The following ARHGEF26 variants were observed in gnomAD, a reference collection of about 807,000 sequenced individuals.
The protein encoded by ARHGEF26 is Rho guanine nucleotide exchange factor (GEF) 26.
A neutral mutation model predicts 89.4 loss-of-function variants in ARHGEF26; 59 were observed. The observed-to-expected ratio is 0.66, with a 90% CI of 0.54 to 0.82. The LOEUF is 0.82. ARHGEF26 is among the 40% of genes least tolerant of loss of function. The pLI, the probability that ARHGEF26 is intolerant of heterozygous loss-of-function variation, is 0.00. For missense variants in ARHGEF26, 1,234 were observed against 1,085.6 expected, an observed-to-expected ratio of 1.14 and a Z score of -1.92; for synonymous variants, 500 against 428.4, an observed-to-expected ratio of 1.17 and a Z score of -2.06.
chr3:154,151,604 C>T lies in ARHGEF26; in HGVS notation c.1327-1168C>T, dbSNP rs369908372. 2.6e-5 allele frequency among the ~76,000 whole-genome samples: 4 copies of T among 152,288 alleles called. No individual in the cohort carries two copies. The East Asian group carries it at 5.8e-4, about 22-fold the overall frequency. On this transcript the variant is annotated intron_variant, in intron 5 of 14. Coordinates refer to ENST00000465093, the MANE Select transcript of ARHGEF26 (RefSeq NM_015595.4). ...ACTCTTAACATTCTTACTCTTTACT[C>T]TTCAGATAGTTACATCACTTAATTT...
chr3:154,136,270 G>GTAAAGTATTTTAATTTTAATTAAAA (rs1560045277), intron 4 of ARHGEF26, among the ~76,000 whole-genome samples: 23 of 133,742 alleles, frequency 1.7e-4, no homozygotes, highest in South Asian at 9.2e-4. Flanking sequence ...TTTAATTAAA[G>GTAAAGTATTTTAATTTTAATTAAAA]TATTTTAAGT....
intron 3 of ARHGEF26, among the ~76,000 whole-genome samples, chr3:154,125,550 TCTGA>T (rs1718280542): frequency 1.3e-5 from 2 of 152,278 alleles, no homozygotes; most frequent in Admixed American, 6.5e-5. Flanking sequence ...CTTATAGCAC[TCTGA>T]CTATGAAGTG....
chr3:154,132,372 A>G (rs1017243709), intron 4 of ARHGEF26, among the ~76,000 whole-genome samples: 5 of 151,184 alleles, frequency 3.3e-5, no homozygotes, highest in South Asian at 2.1e-4. Flanking sequence ...TCTCCTTCCT[A>G]CCTCCCCAGA....
rs147086640 is a variant in ARHGEF26 at position 154,172,942 on chromosome 3, A to G, written c.1488-14743A>G. On this transcript the variant is annotated intron_variant, in intron 6 of 14. Coordinates refer to ENST00000465093, the MANE Select transcript of ARHGEF26 (RefSeq NM_015595.4). The stretch of plus-strand genomic sequence containing the variant: ...TTATGGAAGGGATAGGCTGTGCTGT[A>G]AAATTGTTGACTTTGAAGTAAAATG... Among the ~76,000 whole-genome samples the G allele has an allele frequency of 7.3e-4, 111 of 152,288 alleles. No individual in the cohort carries two copies. The East Asian group carries it at 0.017, about 23-fold the overall frequency.
intron 11 of ARHGEF26, among the ~76,000 whole-genome samples, chr3:154,231,041 G>T (rs1349187514): frequency 6.6e-6 from 1 of 152,110 alleles, no homozygotes; most frequent in Non-Finnish European, 1.5e-5. Context: ...TTCATCTGCA[G>T]AATAAACTCG....
intron 9 of ARHGEF26, among the ~76,000 whole-genome samples, chr3:154,201,663 C>T (rs1337780520): frequency 6.6e-6 from 1 of 150,588 alleles, no homozygotes; most frequent in Non-Finnish European, 1.5e-5. Flanking sequence ...TCTCCAGCAC[C>T]TGTTGTTTCC....
At chr3:154,195,844 A>G (rs1238499774) in intron 9 of ARHGEF26, among the ~76,000 whole-genome samples, 2 of 152,128 alleles carry the variant, frequency 1.3e-5, no homozygotes, top group Non-Finnish European at 2.9e-5. Context: ...GACTGGAATG[A>G]GAAGGGCAGT....
chr3:154,256,411 C>A lies in ARHGEF26; in HGVS notation c.*938C>A, dbSNP rs573297412. On this transcript the variant is annotated 3_prime_UTR_variant, in exon 15 of 15. Coordinates refer to ENST00000465093, the MANE Select transcript of ARHGEF26 (RefSeq NM_015595.4). ...CTACTTTTTGTATTTTTAGTAGAGACAGGGTTTCATCATGTTGGCCAGGAT... is the reference window on the plus strand; with the variant it reads ...CTACTTTTTGTATTTTTAGTAGAGAAAGGGTTTCATCATGTTGGCCAGGAT... 9.2e-6 allele frequency: 7 copies of A among 762,334 alleles called. No homozygotes were observed. Among genetic ancestry groups the A allele is most frequent in the African/African-American group, 7.7e-5 (4 of 52,146 alleles). 47.2% of individuals were successfully genotyped at this position (762,334 alleles called of 1,614,324 possible).
intron 9 of ARHGEF26, among the ~76,000 whole-genome samples, chr3:154,212,177 G>T (rs1295456488): frequency 6.6e-6 from 1 of 151,872 alleles, no homozygotes. Flanking sequence ...CTTCTCCACA[G>T]TAAATCAAAA....
At chr3:154,129,060 A>G (rs1266469234) in intron 3 of ARHGEF26, among the ~76,000 whole-genome samples, 2 of 152,160 alleles carry the variant, frequency 1.3e-5, no homozygotes, top group Non-Finnish European at 2.9e-5. Context: ...TGAATGAATA[A>G]ATGCATGAGT....
In ARHGEF26 at chr3:154,232,001, G is replaced by A. The variant is rs565817235; in HGVS notation, c.2090+5991G>A. On this transcript the variant is annotated intron_variant, in intron 11 of 14. Coordinates refer to ENST00000465093, the MANE Select transcript of ARHGEF26 (RefSeq NM_015595.4). ...TATATTTTTCCTTTTTATTGATGTCGTCAGTAGTGTGGTACTCCTGAATTG... is the reference window on the plus strand; with the variant it reads ...TATATTTTTCCTTTTTATTGATGTCATCAGTAGTGTGGTACTCCTGAATTG... Among the ~76,000 whole-genome samples, 6 of 151,844 alleles carry A rather than the reference G, an allele frequency of 4.0e-5. No individual in the cohort carries two copies. In the South Asian group the frequency reaches 6.2e-4, roughly 16 times the overall value.
intron 6 of ARHGEF26, among the ~76,000 whole-genome samples, chr3:154,154,660 T>G (rs1036112376): frequency 1.3e-5 from 2 of 152,002 alleles, no homozygotes; most frequent in African/African-American, 4.8e-5. Context: ...CCTCACTTTC[T>G]TAGATAAATG....
At chr3:154,227,297 T>C (rs2108263386) in intron 11 of ARHGEF26, among the ~76,000 whole-genome samples, 1 of 150,906 alleles carries the variant, frequency 6.6e-6, no homozygotes, top group South Asian at 2.1e-4. Flanking sequence ...TAAAAATTTT[T>C]TTTTTTTTTT....
Position 154,224,450 on chromosome 3 carries a change from G to A in ARHGEF26, c.1936-1406G>A, listed in dbSNP as rs369281713. Among the ~76,000 whole-genome samples the A allele has an allele frequency of 9.9e-5, 15 of 152,268 alleles. 2 individuals carry two copies. The highest frequency in any genetic ancestry group is 2.0e-4 in the Admixed American group (3 of 15,298). The stretch of plus-strand genomic sequence containing the variant: ...CTTTCTTTCTCCACCCCCTAAATCA[G>A]AACAGTCACAGGGCAGCATGTGCAC... On this transcript the variant is annotated intron_variant, in intron 10 of 14. Coordinates refer to ENST00000465093, the MANE Select transcript of ARHGEF26 (RefSeq NM_015595.4).
rs373406180 is a variant in ARHGEF26 at position 154,232,842 on chromosome 3, C to CT, written c.2090+6845dup. Reference sequence around the variant, plus strand: ...AGTGAGTGAGTGGGTTTCTTTCTTTCTTTTTTTTTTTTTGAGACGGAGTCA... The same window carrying CT: ...AGTGAGTGAGTGGGTTTCTTTCTTTCTTTTTTTTTTTTTTGAGACGGAGTCA... On this transcript the variant is annotated intron_variant, in intron 11 of 14. Transcript: ENST00000465093. Among the ~76,000 whole-genome samples the CT allele has an allele frequency of 8.7e-3, 1,254 of 143,746 alleles. 2 individuals are homozygous for CT. The highest frequency in any genetic ancestry group is 0.015 in the African/African-American group (607 of 39,358). The allele number at this position is 143,746 out of a possible 152,430, so 94.3% of individuals were successfully genotyped here.
chr3:154,226,886 G>A (rs764118220), intron 11 of ARHGEF26, among the ~76,000 whole-genome samples: 1 of 152,110 alleles, frequency 6.6e-6, no homozygotes, highest in Non-Finnish European at 1.5e-5. Flanking sequence ...TGGGATCAGG[G>A]GTGGTCCTGG....
At chr3:154,205,662 G>A (rs1017729477) in intron 9 of ARHGEF26, among the ~76,000 whole-genome samples, 1 of 151,742 alleles carries the variant, frequency 6.6e-6, no homozygotes, top group African/African-American at 2.4e-5. Flanking sequence ...TATTTTTTGT[G>A]TTTAAGGTTA....
At chr3:154,244,060 A>G (rs763316505) in intron 12 of ARHGEF26, among the ~76,000 whole-genome samples, 2 of 152,150 alleles carry the variant, frequency 1.3e-5, no homozygotes, top group African/African-American at 2.4e-5. Flanking sequence ...TTTGGTTAAT[A>G]TGGTTCATTG....
chr3:154,185,436 T>C (rs1713464642), intron 6 of ARHGEF26, among the ~76,000 whole-genome samples: 1 of 152,096 alleles, frequency 6.6e-6, no homozygotes, highest in Non-Finnish European at 1.5e-5. Context: ...GATGATTTGC[T>C]AAAATGGCTC....
Sources: allele counts gnomAD v4.1 joint callset (sites outside exome capture counted in the v4.1 genomes callset), GRCh38; gene constraint gnomAD v4.1.1; transcripts MANE v1.5; gene names NCBI Gene and HGNC (gene_info 2026-07-23, HGNC 2026-07-21).